SLFN5: variants seen among roughly 807,000 people sequenced by gnomAD.
SLFN5 encodes schlafen family member 5.
Under a neutral mutation model 48.5 loss-of-function variants are expected in SLFN5, and 34 were observed. That is an observed-to-expected ratio of 0.70 (90% CI 0.53 to 0.93). SLFN5 has a LOEUF of 0.93. Among genes scored for constraint, SLFN5 ranks in the 40% least tolerant of loss-of-function variants. SLFN5 has a pLI of 0.00. For missense variants in SLFN5, 1,006 were observed against 1,071.3 expected, an observed-to-expected ratio of 0.94 and a Z score of 0.85; for synonymous variants, 387 against 396.2, an observed-to-expected ratio of 0.98 and a Z score of 0.28.
Position 35,258,910 on chromosome 17 carries a change from G to A in SLFN5, c.220G>A (p.Val74Ile), listed in dbSNP as rs1182865400. Residue 74 changes from valine to isoleucine, a missense_variant, in exon 2 of 5, where the codon GTA becomes ATA. By Grantham distance (29) the Val-to-Ile change is conservative. Transcript: ENST00000299977. ...AGGCTACAATTATGAACGTCATGGA[G>A]TAGGATTGGATGTGCCTCCAATTTT... ...NKGYNYERHG[V>I]GLDVPPIFRS... 8 of 1,614,108 alleles carry A rather than the reference G, an allele frequency of 5.0e-6. No homozygotes were observed. Among genetic ancestry groups the A allele is most frequent in the East Asian group, 2.2e-5 (1 of 44,898 alleles).
chr17:35,263,930 T>C (rs1412038056), intron 3 of SLFN5, among the ~76,000 whole-genome samples: 2 of 152,206 alleles, frequency 1.3e-5, no homozygotes, highest in East Asian at 3.8e-4. Flanking sequence ...TACCTTTCCT[T>C]GGTATTCACA....
intron 1 of SLFN5, among the ~76,000 whole-genome samples, chr17:35,243,357 G>A (rs941237912): frequency 8.5e-5 from 13 of 152,340 alleles, no homozygotes; most frequent in African/African-American, 2.6e-4. Flanking sequence ...GGACCCGGGA[G>A]CTGGGAGGTT....
intron 1 of SLFN5, among the ~76,000 whole-genome samples, chr17:35,243,790 C>T (rs1191936318): frequency 6.6e-6 from 1 of 152,156 alleles, no homozygotes; most frequent in East Asian, 1.9e-4. Flanking sequence ...TTGTCGAAGC[C>T]CAAATTCAGG....
At position 35,268,166 on chromosome 17, in the gene SLFN5, C is replaced by G. The variant is rs1198227532; in HGVS notation, c.*2278C>G. 6.6e-6 allele frequency: 1 copy of G among 152,218 alleles called. No homozygotes were observed. 9.4% of individuals were successfully genotyped at this position (152,218 alleles called of 1,614,324 possible). ...CTACACAAAAGTAGATGGAAGACAC[C>G]ACCCAGGCCTCCAGCTATACACTGG... On this transcript the variant is annotated 3_prime_UTR_variant, in exon 5 of 5. Coordinates refer to ENST00000299977, the MANE Select transcript of SLFN5 (RefSeq NM_144975.4).
At chr17:35,251,837 C>T (rs1379347799) in intron 1 of SLFN5, among the ~76,000 whole-genome samples, 1 of 151,522 alleles carries the variant, frequency 6.6e-6, no homozygotes, top group Non-Finnish European at 1.5e-5. Flanking sequence ...CCTCAACCTC[C>T]CGAGTAGCTG....
At position 35,264,417 on chromosome 17, in the gene SLFN5, A is replaced by C. The variant is rs752163157; in HGVS notation, c.1373A>C (p.Lys458Thr). The C allele has an allele frequency of 1.2e-6, 2 of 1,614,182 alleles. No individual in the cohort carries two copies. Among genetic ancestry groups the C allele is most frequent in the South Asian group, 1.1e-5 (1 of 91,086 alleles). ...CCTATTCTCTACACCATCTTCAGCA[A>C]GTGGGATGCGGGGTGCAAGGGCTAT... Reference protein sequence around the residue: ...NTPILYTIFSKWDAGCKGYSM... With the variant: ...NTPILYTIFSTWDAGCKGYSM... Residue 458 changes from lysine (K) to threonine (T), a missense_variant, in exon 4 of 5, where the codon AAG (lysine) becomes ACG (threonine). Physicochemically the swap from Lys to Thr is moderately conservative, Grantham distance 78 (BLOSUM62 -1). Coordinates refer to ENST00000299977, the MANE Select transcript of SLFN5 (RefSeq NM_144975.4).
At chr17:35,243,534 C>G (rs2092423815) in intron 1 of SLFN5, among the ~76,000 whole-genome samples, 3 of 152,238 alleles carry the variant, frequency 2.0e-5, no homozygotes. Context: ...GGGTTGTGGC[C>G]TGGGGACAAA....
chr17:35,252,478 G>A (rs185123520), intron 1 of SLFN5, among the ~76,000 whole-genome samples: 8 of 152,188 alleles, frequency 5.3e-5, no homozygotes, highest in Non-Finnish European at 8.8e-5. Context: ...GTTATGTGTC[G>A]CCTGTCAACA....
rs1904689810 is a variant in SLFN5, at chr17:35,266,184, G to GCA, written c.*297_*298insAC. 1.1e-5 allele frequency: 3 copies of GCA among 261,526 alleles called. No homozygotes were observed. The highest frequency in any genetic ancestry group is 7.4e-5 in the East Asian group (1 of 13,586). The allele number at this position is 261,526 out of a possible 1,614,324, so 16.2% of individuals were successfully genotyped here. A position where few individuals can be genotyped will look rare whatever the true frequency, so the allele number is the denominator to read the frequency against. The stretch of plus-strand genomic sequence containing the variant: ...TGTGTGTGTGTGTGTGTGTGCGCGC[G>GCA]CGCACGTGCACATGTGTGTAGGTAG... On this transcript the variant is annotated 3_prime_UTR_variant, in exon 5 of 5. Coordinates refer to ENST00000299977, the MANE Select transcript of SLFN5 (RefSeq NM_144975.4).
rs184092753 is a variant in SLFN5, at chr17:35,269,243, A to G, written c.*3355A>G. Reference sequence around the variant, plus strand: ...AAAGAGTTCTAGAAATACAGGACCCATGAATCATTCTTGAAGAAAAGTTAC... The same window carrying G: ...AAAGAGTTCTAGAAATACAGGACCCGTGAATCATTCTTGAAGAAAAGTTAC... On this transcript the variant is annotated 3_prime_UTR_variant, in exon 5 of 5. Coordinates refer to ENST00000299977, the MANE Select transcript of SLFN5 (RefSeq NM_144975.4). 6.6e-6 allele frequency: 1 copy of G among 152,366 alleles called. No individual in the cohort carries two copies. The highest frequency in any genetic ancestry group is 1.9e-4 in the East Asian group (1 of 5,186). The allele number at this position is 152,366 out of a possible 1,614,324, so 9.4% of individuals were successfully genotyped here. A position where few individuals can be genotyped will look rare whatever the true frequency, so the allele number is the denominator to read the frequency against.
chr17:35,260,853 A>G, intron 2 of SLFN5, 118 bp from the exon 3 acceptor site: 1 of 1,292,618 alleles, frequency 7.7e-7, no homozygotes, highest in South Asian at 1.9e-5. Context: ...TGTAAAGGCA[A>G]GTATCTGTGG....
rs138784713 is a variant in SLFN5, at chr17:35,259,542, T to C, written c.852T>C (p.His284=). Residue 284 remains histidine, a synonymous_variant, in exon 2 of 5, where the codon CAT becomes CAC. Coordinates refer to ENST00000299977, the MANE Select transcript of SLFN5 (RefSeq NM_144975.4). ...IKYVLNFLEV[H]DKGALRGYVC... ...ATGTCCTTAACTTCCTTGAAGTGCATGATAAGGGGGCCCTCCGTGGATATG... is the reference window on the plus strand; with the variant it reads ...ATGTCCTTAACTTCCTTGAAGTGCACGATAAGGGGGCCCTCCGTGGATATG... 1.9e-5 allele frequency: 31 copies of C among 1,614,162 alleles called. No individual in the cohort carries two copies. The East Asian group carries it at 4.5e-4, about 23-fold the overall frequency.
chr17:35,254,219 T>C (rs970742675), intron 1 of SLFN5, among the ~76,000 whole-genome samples: 1 of 152,236 alleles, frequency 6.6e-6, no homozygotes, highest in African/African-American at 2.4e-5. Flanking sequence ...TCTGTCTTCC[T>C]AAGTGCCTAT....
intron 1 of SLFN5, among the ~76,000 whole-genome samples, chr17:35,248,930 C>CATA (rs2092436502): frequency 1.3e-5 from 2 of 151,964 alleles, no homozygotes; most frequent in African/African-American, 4.8e-5. Flanking sequence ...CCACAGTATC[C>CATA]CTCTTTCCAT....
rs1191547573 is a variant in SLFN5, at chr17:35,269,130, T to A, written c.*3242T>A. 6.6e-6 allele frequency: 1 copy of A among 152,222 alleles called. No individual in the cohort carries two copies. Among genetic ancestry groups the A allele is most frequent in the African/African-American group, 2.4e-5 (1 of 41,446 alleles). The allele number at this position is 152,222 out of a possible 1,614,324, so 9.4% of individuals were successfully genotyped here. On this transcript the variant is annotated 3_prime_UTR_variant, in exon 5 of 5. Transcript: ENST00000299977. The stretch of plus-strand genomic sequence containing the variant: ...AGTGAAGCAACATGTGTACAGTTCT[T>A]AGGGAAACAAATTTTGACCTAAAAA...
chr17:35,256,008 A>C (rs996601742), intron 1 of SLFN5, among the ~76,000 whole-genome samples: 1 of 152,234 alleles, frequency 6.6e-6, no homozygotes, highest in East Asian at 1.9e-4. Flanking sequence ...ATCATAATAG[A>C]TGTATTCTGT....
chr17:35,269,301 G>A lies in SLFN5; in HGVS notation c.*3413G>A, dbSNP rs1037328368. ...GGAAATCTAGCTAAGCAAGCAACAT[G>A]TACAAATAAAAGATTATTATAATTG... On this transcript the variant is annotated 3_prime_UTR_variant, in exon 5 of 5. Transcript: ENST00000299977. The A allele has an allele frequency of 6.6e-6, 1 of 152,046 alleles. No individual in the cohort carries two copies. Among genetic ancestry groups the A allele is most frequent in the Admixed American group, 6.6e-5 (1 of 15,266 alleles). The allele number at this position is 152,046 out of a possible 1,614,324, so 9.4% of individuals were successfully genotyped here.
rs1012653624 is a variant in SLFN5, at chr17:35,260,270, T to C, written c.1012+568T>C. ...GATGGTTGGTGACATGCATCTATCC[T>C]GGAAAAGGAAAGCCTGAGATAAAAT... On this transcript the variant is annotated intron_variant, in intron 2 of 4. Transcript: ENST00000299977. 2.6e-5 allele frequency among the ~76,000 whole-genome samples: 4 copies of C among 152,128 alleles called. No homozygotes were observed. In the South Asian group the frequency reaches 8.3e-4, roughly 31 times the overall value.
In SLFN5 at chr17:35,265,350, G is replaced by C. The variant is rs551663463; in HGVS notation, c.2138G>C (p.Arg713Pro). The C allele has an allele frequency of 1.9e-5, 31 of 1,613,988 alleles. No individual in the cohort carries two copies. In the Middle Eastern group the frequency reaches 4.9e-4, roughly 26 times the overall value. ...AGAGAAGAGATCAACAGAGTGGTCC[G>C]CAATGCAGGTCCAATAGCTAATTAC... ...YPREEINRVV[R>P]NAGPIANYLQ... The change falls in exon 5 of 5, where the codon CGC (arginine) becomes CCC (proline). Residue 713 changes from arginine to proline, a missense_variant. Transcript: ENST00000299977.
Sources: allele counts gnomAD v4.1 joint callset (sites outside exome capture counted in the v4.1 genomes callset), GRCh38; gene constraint gnomAD v4.1.1; transcripts MANE v1.5; gene names NCBI Gene and HGNC (gene_info 2026-07-23, HGNC 2026-07-21).